NOTCH3: variants seen among roughly 807,000 people sequenced by gnomAD.
The protein encoded by NOTCH3 is neurogenic locus notch homolog protein 3.
A neutral mutation model predicts 213.3 loss-of-function variants in NOTCH3; 86 were observed. That is an observed-to-expected ratio of 0.40 (90% CI 0.34 to 0.48). NOTCH3 has a LOEUF of 0.48. Ranked by LOEUF, NOTCH3 falls within the 20% of genes least tolerant of loss-of-function variation. The pLI, the probability that NOTCH3 is intolerant of heterozygous loss-of-function variation, is 0.57. For synonymous variants in NOTCH3, 1,354 were observed against 1,355.9 expected (o/e 1.00, Z 0.03); for missense variants, 2,783 against 3,272.6 (o/e 0.85, Z 3.65).
rs1245351744 is a variant in NOTCH3, at chr19:15,174,294, C to T, written c.4510G>A (p.Val1504Met). 1 of 1,557,952 alleles carries T rather than the reference C, an allele frequency of 6.4e-7. No homozygotes were observed. Among genetic ancestry groups the T allele is most frequent in the Non-Finnish European group, 8.7e-7 (1 of 1,152,826 alleles). Residue 1504 changes from valine (V) to methionine (M), a missense_variant, in exon 25 of 33, where the codon GTG becomes ATG. Val to Met is a conservative substitution (Grantham distance 21, BLOSUM62 1). This residue lies in a region of NOTCH3 where 636 missense variants were observed against 801.8 expected (regional missense o/e 0.79). Coordinates refer to ENST00000263388, the MANE Select transcript of NOTCH3 (RefSeq NM_000435.3). ...GWDGLDCASE[V>M]PALLARGVLV... The stretch of plus-strand genomic sequence containing the variant: ...ACGCCGCGGGCCAGCAGGGCCGGCA[C>T]CTCGCTGGCACAATCCAGCCCATCC...
chr19:15,197,441 G>GCCCCGCCCC, intron 2 of NOTCH3, 59 bp downstream of exon 2: 1 of 768,364 alleles, frequency 1.3e-6, no homozygotes, highest in East Asian at 2.7e-5. Context: ...AAGACAAATC[G>GCCCCGCCCC]CCCCTCCCCC....
chr19:15,183,580 G>A (rs2046856987), intron 16 of NOTCH3, among the ~76,000 whole-genome samples: 1 of 152,072 alleles, frequency 6.6e-6, no homozygotes, highest in Non-Finnish European at 1.5e-5. Context: ...TGTATTTTTA[G>A]TAGAGATGGG....
In NOTCH3 at chr19:15,165,701, A is replaced by C. The variant is rs1007140573; in HGVS notation, c.5667+86T>G. On this transcript the variant is annotated intron_variant, in intron 30 of 32. Transcript: ENST00000263388. The surrounding 1 kb of genome is among the most constrained non-coding windows in gnomAD (Gnocchi z 4.7). ...CCCATTTTCCAAATGAGAAAAAATGAGTCTGAAAGGCAGAACTGGGGCTCA... is the reference window on the plus strand; with the variant it reads ...CCCATTTTCCAAATGAGAAAAAATGCGTCTGAAAGGCAGAACTGGGGCTCA... 2 of 1,501,324 alleles carry C rather than the reference A, an allele frequency of 1.3e-6. No individual in the cohort carries two copies. Among genetic ancestry groups the C allele is most frequent in the African/African-American group, 2.8e-5 (2 of 72,674 alleles). The allele number at this position is 1,501,324 out of a possible 1,614,324, so 93.0% of individuals were successfully genotyped here.
intron 29 of NOTCH3, 87 bp downstream of exon 29, chr19:15,167,162 G>T: frequency 3.5e-6 from 5 of 1,445,842 alleles, no homozygotes; most frequent in Non-Finnish European, 4.8e-6. Flanking sequence ...GACTCCCCCA[G>T]TTCTCCCCAA....
Position 15,165,286 on chromosome 19 carries a change from T to A in NOTCH3, c.5815+82A>T. ...GAGCTTCAGTGATTGGGTCTCAACA[T>A]GGGTATGAATTTGCACCAACATGAC... On this transcript the variant is annotated intron_variant, in intron 31 of 32. Transcript: ENST00000263388. This position sits in a 1 kb window ranked among gnomAD's most constrained non-coding sequence, Gnocchi z 4.7. The A allele has an allele frequency of 7.0e-7, 1 of 1,424,100 alleles. No individual in the cohort carries two copies. Among genetic ancestry groups the A allele is most frequent in the Non-Finnish European group, 9.8e-7 (1 of 1,019,678 alleles). 88.2% of individuals were successfully genotyped at this position (1,424,100 alleles called of 1,614,324 possible). A position where few individuals can be genotyped will look rare whatever the true frequency, so the allele number is the denominator to read the frequency against.
intron 1 of NOTCH3, 27 bp from the exon 2 acceptor site, chr19:15,197,605 G>A (rs1375461091): frequency 3.7e-6 from 6 of 1,605,758 alleles, no homozygotes; most frequent in Admixed American, 1.7e-5. Context: ...GAAGGTGGAG[G>A]ATCAGCCAGG....
intron 28 of NOTCH3, among the ~76,000 whole-genome samples, chr19:15,168,249 C>T (rs1402353676): frequency 6.6e-6 from 1 of 152,168 alleles, no homozygotes; most frequent in African/African-American, 2.4e-5. Flanking sequence ...ACCACAATTA[C>T]ATTGGGCCAC....
chr19:15,162,439 C>T (rs746644057), intron 32 of NOTCH3, 26 bp downstream of exon 32: 1 of 1,554,292 alleles, frequency 6.4e-7, no homozygotes, highest in Non-Finnish European at 8.9e-7. Context: ...CTGCTGACAC[C>T]CAGTGGACCA....
At chr19:15,176,220 G>A (rs2046789004) in intron 24 of NOTCH3, among the ~76,000 whole-genome samples, 1 of 146,430 alleles carries the variant, frequency 6.8e-6, no homozygotes. Flanking sequence ...CCAGGCTGGA[G>A]TGCAATGGCA....
In NOTCH3 at chr19:15,178,802, A is replaced by T. The variant is rs11670823; in HGVS notation, c.3837+21T>A. On this transcript the variant is annotated intron_variant, in intron 23 of 32. Coordinates refer to ENST00000263388, the MANE Select transcript of NOTCH3 (RefSeq NM_000435.3). Reference sequence around the variant, plus strand: ...AGGCCACGCCCCTACTCCTCCTCCAAAGGCCGCCACCCACACCTACCTGGG... The same window carrying T: ...AGGCCACGCCCCTACTCCTCCTCCATAGGCCGCCACCCACACCTACCTGGG... The T allele has an allele frequency of 0.68, 1,062,133 of 1,555,288 alleles. 372,080 individuals are homozygous for T. Among genetic ancestry groups the T allele is most frequent in the Non-Finnish European group, 0.72 (822,478 of 1,141,590 alleles).
In NOTCH3 at chr19:15,176,844, G is replaced by T. The variant is rs548887942; in HGVS notation, c.4403+681C>A. On this transcript the variant is annotated intron_variant, in intron 24 of 32. Coordinates refer to ENST00000263388, the MANE Select transcript of NOTCH3 (RefSeq NM_000435.3). ...TCCCAGCACTTTGGGAGGCCAAGGC[G>T]GGCGGATCACAAGGTCAGGAGTTCG... Among the ~76,000 whole-genome samples, 40 of 150,846 alleles carry T rather than the reference G, an allele frequency of 2.7e-4. No homozygotes were observed. The South Asian group carries it at 8.2e-3, about 31-fold the overall frequency.
chr19:15,165,982 C>G lies in NOTCH3; in HGVS notation c.5472G>C (p.Leu1824=), dbSNP rs372950267. 1 of 1,614,228 alleles carries G rather than the reference C, an allele frequency of 6.2e-7. No homozygotes were observed. Among genetic ancestry groups the G allele is most frequent in the Non-Finnish European group, 8.5e-7 (1 of 1,180,042 alleles). Residue 1824 remains leucine, a synonymous_variant, in exon 30 of 33, where the codon CTG becomes CTC. Transcript: ENST00000263388. This position sits in a 1 kb window ranked among gnomAD's most constrained non-coding sequence, Gnocchi z 4.7. ...DDTSASIISD[L]ICQGAQLGAR... is the part of the protein sequence containing the mutation. The stretch of plus-strand genomic sequence containing the variant: ...CCCCAAGCTGAGCCCCCTGGCAGAT[C>G]AGGTCGGAGATGATGCTAGCTGATG...
Position 15,179,058 on chromosome 19 carries a change from C to T in NOTCH3, c.3685G>A (p.Gly1229Ser). 1 of 1,614,230 alleles carries T rather than the reference C, an allele frequency of 6.2e-7. No homozygotes were observed. The highest frequency in any genetic ancestry group is 2.2e-5 in the East Asian group (1 of 44,892). Residue 1229 changes from glycine to serine, a missense_variant, in exon 22 of 33, where the codon GGT (glycine) becomes AGT (serine). Gly to Ser is a moderately conservative substitution (Grantham distance 56, BLOSUM62 0). Transcript: ENST00000263388. ...TRDCLQDPGG[G>S]FRCLCHAGFS... ...CCAGCATGACAAAGGCAACGGAAAC[C>T]TCCGCCTGGGTCCTGCAGGCAGTCC...
rs2145382884 is a variant in NOTCH3 at position 15,161,459 on chromosome 19, G to A, written c.6169C>T (p.Gln2057Ter). The A allele has an allele frequency of 6.4e-7, 1 of 1,567,022 alleles. No individual in the cohort carries two copies. Among genetic ancestry groups the A allele is most frequent in the Admixed American group, 1.9e-5 (1 of 53,204 alleles). The change falls in exon 33 of 33, where the codon CAG becomes TAG. Residue 2057 changes from glutamine (Q) to a stop codon, truncating the protein, a stop_gained. Coordinates refer to ENST00000263388, the MANE Select transcript of NOTCH3 (RefSeq NM_000435.3). LOFTEE classifies it low-confidence loss of function (END_TRUNC). ...CTCCTGCTCTTCTTGGACCCCGACTGTGCCGCTTTGAGGCCAGGGAGGAAG... is the reference window on the plus strand; with the variant it reads ...CTCCTGCTCTTCTTGGACCCCGACTATGCCGCTTTGAGGCCAGGGAGGAAG... ...GAFLPGLKAA[Q>*]SGSKKSRRPP...
Position 15,185,756 on chromosome 19 carries a change from T to A in NOTCH3, c.1952-77A>T. 1 of 1,405,552 alleles carries A rather than the reference T, an allele frequency of 7.1e-7. No homozygotes were observed. Among genetic ancestry groups the A allele is most frequent in the Non-Finnish European group, 1.0e-6 (1 of 1,003,054 alleles). The allele number at this position is 1,405,552 out of a possible 1,614,324, so 87.1% of individuals were successfully genotyped here. On this transcript the variant is annotated intron_variant, in intron 12 of 32. Transcript: ENST00000263388. This position sits in a 1 kb window ranked among gnomAD's most constrained non-coding sequence, Gnocchi z 4.2. ...CAGGGAGGGACGACGTGACCCCACT[T>A]AGCACACCCACACCCCCGAGCAATG...
chr19:15,199,581 A>T (rs937053566), intron 1 of NOTCH3, among the ~76,000 whole-genome samples: 1 of 152,130 alleles, frequency 6.6e-6, no homozygotes. Context: ...GTGTGCGTGC[A>T]GCTGGGTGTG....
Position 15,185,012 on chromosome 19 carries a change from C to G in NOTCH3, c.2304G>C (p.Gln768His), listed in dbSNP as rs2145428876. Residue 768 changes from glutamine (Q) to histidine (H), a missense_variant, in exon 15 of 33, where the codon CAG becomes CAC. By Grantham distance (24) the Gln-to-His change is conservative. Transcript: ENST00000263388. This position sits in a 1 kb window ranked among gnomAD's most constrained non-coding sequence, Gnocchi z 4.2. ...CTCPPGVQGRQCELLSPCTPN... is the reference protein window; with the variant it reads ...CTCPPGVQGRHCELLSPCTPN... ...GGGTGCAGGGGGAGAGGAGTTCACA[C>G]TGACGTCCTGTTGGGGGTGGAAGAG... is the stretch of plus-strand genomic sequence containing the variant. 8.7e-6 allele frequency: 13 copies of G among 1,496,118 alleles called. No individual in the cohort carries two copies. Among genetic ancestry groups the G allele is most frequent in the Non-Finnish European group, 1.1e-5 (12 of 1,106,102 alleles). 92.7% of individuals were successfully genotyped at this position (1,496,118 alleles called of 1,614,324 possible). A position where few individuals can be genotyped will look rare whatever the true frequency, so the allele number is the denominator to read the frequency against.
Position 15,179,200 on chromosome 19 carries a change from G to A in NOTCH3, c.3543C>T (p.Thr1181=), listed in dbSNP as rs765883690. The change falls in exon 22 of 33, where the codon ACC becomes ACT. Residue 1181 remains threonine, a synonymous_variant. Coordinates refer to ENST00000263388, the MANE Select transcript of NOTCH3 (RefSeq NM_000435.3). ...GGAAACCACCCACCAGGTCCACGCA[G>A]GTGCCATTGTGTAGGCACCGGGGCC... is the stretch of plus-strand genomic sequence containing the variant. ...DSGPRCLHNG[T]CVDLVGGFRC... 2.5e-6 allele frequency: 4 copies of A among 1,613,870 alleles called. No homozygotes were observed. In the East Asian group the frequency reaches 6.7e-5, roughly 27 times the overall value.
rs1160566613 is a variant in NOTCH3 at position 15,179,189 on chromosome 19, AG to A, written c.3553del (p.Leu1185TrpfsTer87). 6.2e-7 allele frequency: 1 copy of A among 1,614,108 alleles called. No individual in the cohort carries two copies. Among genetic ancestry groups the A allele is most frequent in the Non-Finnish European group, 8.5e-7 (1 of 1,180,014 alleles). ...ACAGGTGCAGCGGAAACCACCCACCAGGTCCACGCAGGTGCCATTGTGTAGG... is the reference window on the plus strand; with the variant it reads ...ACAGGTGCAGCGGAAACCACCCACCAGTCCACGCAGGTGCCATTGTGTAGG... The part of the protein sequence containing the change: ...RCLHNGTCVD[L>X]VGGFRCTCPP... On this transcript the variant is annotated frameshift_variant, in exon 22 of 33. Transcript: ENST00000263388. LOFTEE classifies it high-confidence loss of function.
Sources: gnomAD v4.1 joint callset for allele counts (sites outside exome capture counted in the v4.1 genomes callset) on GRCh38, gnomAD v4.1.1 for gene constraint, gnomAD v4.1.1 regional missense constraint, Gnocchi (gnomAD v3.1) non-coding constraint, MANE v1.5 for transcripts, NCBI Gene and HGNC (gene_info 2026-07-23, HGNC 2026-07-21) for gene names.